INTS9: variants seen among roughly 807,000 people sequenced by gnomAD.
INTS9 encodes the protein protein related to CPSF subunits of 74 kDa.
Under a neutral mutation model 79.7 loss-of-function variants are expected in INTS9, and 55 were observed. The ratio of observed to expected loss-of-function variants is 0.69; its 90% CI spans 0.56 to 0.86. The LOEUF (loss-of-function observed/expected upper bound fraction) is 0.86. INTS9 is among the 40% of genes least tolerant of loss of function. The pLI is 0.00. For synonymous variants in INTS9, 319 were observed against 325.2 expected, an observed-to-expected ratio of 0.98 and a Z score of 0.20; for missense variants, 721 against 831.5, an observed-to-expected ratio of 0.87 and a Z score of 1.64.
At chr8:28,798,034 A>C (rs1284851083) in intron 8 of INTS9, 1 of 152,232 alleles carries the variant, frequency 6.6e-6, no homozygotes. Flanking sequence ...ATAACCTGAA[A>C]AACATTTAAT....
In INTS9 at chr8:28,769,907, G is replaced by A. The variant is rs141233116; in HGVS notation, c.1782C>T (p.Phe594=). The A allele has an allele frequency of 6.8e-6, 11 of 1,614,050 alleles. No homozygotes were observed. The highest frequency in any genetic ancestry group is 6.7e-5 in the African/African-American group (5 of 74,950). The part of the protein sequence containing the change: ...LLSGSIPVEQ[F]VQTLEKHGFS... ...AGCTCACCTTCTCCAGGGTCTGCAC[G>A]AACTGCTCCACAGGGATGGAACCGC... The change falls in exon 16 of 17, where the codon TTC becomes TTT. Residue 594 remains phenylalanine (F), a synonymous_variant. Coordinates refer to ENST00000521022, the MANE Select transcript of INTS9 (RefSeq NM_018250.4).
chr8:28,845,591 G>A (rs1338119154), intron 4 of INTS9, among the ~76,000 whole-genome samples: 1 of 152,240 alleles, frequency 6.6e-6, no homozygotes, highest in African/African-American at 2.4e-5. Context: ...ATAAATGGAA[G>A]GTTGCAGTAG....
intron 6 of INTS9, 172 bp from the exon 7 acceptor site, chr8:28,813,784 CAG>C: frequency 1.5e-6 from 1 of 669,740 alleles, no homozygotes. Flanking sequence ...TTTTTTGAGA[CAG>C]AGTCTCACTG....
intron 11 of INTS9, among the ~76,000 whole-genome samples, chr8:28,781,939 G>A (rs981946265): frequency 6.6e-6 from 1 of 152,160 alleles, no homozygotes; most frequent in Non-Finnish European, 1.5e-5. Flanking sequence ...TTGGGCGAGA[G>A]TGACGTGTCA....
At chr8:28,792,967 T>G (rs1028172286) in intron 10 of INTS9, among the ~76,000 whole-genome samples, 1 of 149,876 alleles carries the variant, frequency 6.7e-6, no homozygotes, top group Non-Finnish European at 1.5e-5. Flanking sequence ...TAGAGACGCC[T>G]GTATGAGTCT....
chr8:28,868,637 T>C (rs1201220621), intron 1 of INTS9, among the ~76,000 whole-genome samples: 1 of 152,220 alleles, frequency 6.6e-6, no homozygotes, highest in Non-Finnish European at 1.5e-5. Flanking sequence ...CTAAATTCTA[T>C]GGGTCTCAAA....
In INTS9 at chr8:28,806,374, T is replaced by C. The variant is rs570402676; in HGVS notation, c.744+5953A>G. 2.0e-5 allele frequency among the ~76,000 whole-genome samples: 3 copies of C among 152,262 alleles called. No homozygotes were observed. The South Asian group carries it at 6.2e-4, about 32-fold the overall frequency. The stretch of plus-strand genomic sequence containing the variant: ...ATAACTGATTGATAAAACACAATGA[T>C]CATGAATATATGGACTCCTGAGTAT... On this transcript the variant is annotated intron_variant, in intron 8 of 16. Transcript: ENST00000521022.
At chr8:28,775,015 GAT>G (rs1163827519) in intron 14 of INTS9, among the ~76,000 whole-genome samples, 2 of 152,288 alleles carry the variant, frequency 1.3e-5, no homozygotes, top group Middle Eastern at 3.4e-3. Flanking sequence ...TGCTCAAGAG[GAT>G]ATAAATAACC....
intron 4 of INTS9, among the ~76,000 whole-genome samples, chr8:28,846,117 C>T (rs1438047727): frequency 1.3e-5 from 2 of 152,182 alleles, no homozygotes; most frequent in African/African-American, 4.8e-5. Flanking sequence ...CCACATTTCA[C>T]ATGTCTGTTA....
At chr8:28,835,611 C>T (rs1806766760) in intron 5 of INTS9, among the ~76,000 whole-genome samples, 1 of 152,156 alleles carries the variant, frequency 6.6e-6, no homozygotes, top group African/African-American at 2.4e-5. Flanking sequence ...TAATTTAATT[C>T]ACCTTTAAAA....
intron 8 of INTS9, among the ~76,000 whole-genome samples, chr8:28,801,092 G>A (rs1263225695): frequency 1.3e-5 from 2 of 152,192 alleles, no homozygotes; most frequent in East Asian, 3.8e-4. Context: ...CCAGATCAGA[G>A]CATAGTATTG....
chr8:28,859,520 T>C lies in INTS9; in HGVS notation c.53A>G (p.Lys18Arg). 6.2e-7 allele frequency: 1 copy of C among 1,614,162 alleles called. No individual in the cohort carries two copies. The highest frequency in any genetic ancestry group is 8.5e-7 in the Non-Finnish European group (1 of 1,180,008). ...CAACATAATGGTGGTTGATTTGAAT[T>C]TGAGCACATTGCATGGTAAGGTTGG... ...GHPTLPCNVL[K>R]FKSTTIMLDC... Residue 18 changes from lysine (K) to arginine (R), a missense_variant, in exon 2 of 17, where the codon AAA (lysine) becomes AGA (arginine). Transcript: ENST00000521022.
chr8:28,768,498 T>G, intron 16 of INTS9, 176 bp from the exon 17 acceptor site: 1 of 633,928 alleles, frequency 1.6e-6, no homozygotes, highest in South Asian at 1.9e-5. Flanking sequence ...AAAGAGACCC[T>G]AAACATGCAA....
chr8:28,770,580 AGAT>A (rs1802472435), intron 15 of INTS9, among the ~76,000 whole-genome samples: 1 of 152,242 alleles, frequency 6.6e-6, no homozygotes, highest in Admixed American at 6.5e-5. Context: ...GACACAGTCC[AGAT>A]CTGAAAGGAA....
chr8:28,889,469 C>G (rs1397206260), intron 1 of INTS9, among the ~76,000 whole-genome samples: 1 of 152,184 alleles, frequency 6.6e-6, no homozygotes, highest in Non-Finnish European at 1.5e-5. Context: ...CTGCTTAAAT[C>G]TAGCCAGTCT....
chr8:28,846,531 C>T lies in INTS9; in HGVS notation c.261+216G>A, dbSNP rs570528023. On this transcript the variant is annotated intron_variant, in intron 4 of 16. Coordinates refer to ENST00000521022, the MANE Select transcript of INTS9 (RefSeq NM_018250.4). ...TATTAGTGGGGATTACAGAAAGAAC[C>T]GGAAATAGGAAGAAGAGAGTGACGT... is the stretch of plus-strand genomic sequence containing the variant. 3.9e-5 allele frequency among the ~76,000 whole-genome samples: 6 copies of T among 152,030 alleles called. No homozygotes were observed. In the South Asian group the frequency reaches 8.3e-4, roughly 21 times the overall value.
intron 1 of INTS9, 87 bp from the exon 2 acceptor site, chr8:28,859,650 CTCTCA>C: frequency 1.4e-6 from 2 of 1,403,396 alleles, no homozygotes; most frequent in African/African-American, 2.8e-5. Context: ...TGACGATCTT[CTCTCA>C]TAAGACCAGC....
At chr8:28,824,522 A>G (rs1806038680) in intron 6 of INTS9, among the ~76,000 whole-genome samples, 2 of 152,036 alleles carry the variant, frequency 1.3e-5, no homozygotes, top group South Asian at 4.1e-4. Context: ...ACCTAAACAC[A>G]CTTGTCACTT....
chr8:28,796,957 A>AT, intron 8 of INTS9: 1 of 247,026 alleles, frequency 4.0e-6, no homozygotes, highest in South Asian at 9.3e-5. Context: ...CCATATATAC[A>AT]TTTTACCTCC....
Sources: gnomAD v4.1 joint callset for allele counts (sites outside exome capture counted in the v4.1 genomes callset) on GRCh38, gnomAD v4.1.1 for gene constraint, MANE v1.5 for transcripts, NCBI Gene and HGNC (gene_info 2026-07-23, HGNC 2026-07-21) for gene names.